ZNF609: variants seen among roughly 807,000 people sequenced by gnomAD.
ZNF609 encodes zinc finger protein 609.
In ZNF609, 11 loss-of-function variants were observed where a neutral mutation model predicts 109.5. The ratio of observed to expected loss-of-function variants is 0.10; its 90% confidence interval spans 0.06 to 0.17. The LOEUF (loss-of-function observed/expected upper bound fraction) is 0.17, where lower values mean the gene tolerates loss of function less well. Ranked by LOEUF, ZNF609 falls within the 10% of genes least tolerant of loss-of-function variation. The pLI, the probability that ZNF609 is intolerant of heterozygous loss-of-function variation, is 1.00. For synonymous variants in ZNF609, 646 were observed against 662.0 expected, an observed-to-expected ratio of 0.98 and a Z score of 0.37; for missense variants, 1,559 against 1,772.4, an observed-to-expected ratio of 0.88 and a Z score of 2.16.
At position 64,677,320 on chromosome 15, in the gene ZNF609, C is replaced by T. The variant is rs1461799748; in HGVS notation, c.3403-796C>T. Among the ~76,000 whole-genome samples the T allele has an allele frequency of 5.9e-5, 9 of 152,326 alleles. No individual in the cohort carries two copies. In the East Asian group the frequency reaches 1.7e-3, roughly 29 times the overall value. ...TCAAGCAATCCTCGCGCCTCAGCCTCCCAAAGCACAGGGATTCATATTAAT... is the reference window on the plus strand; with the variant it reads ...TCAAGCAATCCTCGCGCCTCAGCCTTCCAAAGCACAGGGATTCATATTAAT... On this transcript the variant is annotated intron_variant, in intron 5 of 9. Coordinates refer to ENST00000326648, the MANE Select transcript of ZNF609 (RefSeq NM_015042.2).
intron 2 of ZNF609, among the ~76,000 whole-genome samples, chr15:64,607,622 A>C (rs1034231588): frequency 1.3e-5 from 2 of 149,084 alleles, no homozygotes; most frequent in Non-Finnish European, 3.0e-5. Context: ...CTGTTGCTTC[A>C]GCCTCCCGAG....
chr15:64,622,513 C>CT (rs1463253440), intron 2 of ZNF609, among the ~76,000 whole-genome samples: 1 of 152,098 alleles, frequency 6.6e-6, no homozygotes, highest in African/African-American at 2.4e-5. Flanking sequence ...TCATTAGAGA[C>CT]TTTTTAATGA....
At chr15:64,677,249 A>C (rs192012596) in intron 5 of ZNF609, among the ~76,000 whole-genome samples, 3 of 151,978 alleles carry the variant, frequency 2.0e-5, no homozygotes, top group African/African-American at 7.2e-5. Context: ...TTTTTTGTAG[A>C]GAGGGGTCTC....
chr15:64,511,889 A>G (rs761995270), intron 2 of ZNF609, among the ~76,000 whole-genome samples: 6 of 151,314 alleles, frequency 4.0e-5, no homozygotes, highest in Non-Finnish European at 7.4e-5. Context: ...TAATTTTTGT[A>G]TTTTTAGTAG....
At chr15:64,650,479 T>G (rs2140997023) in intron 3 of ZNF609, among the ~76,000 whole-genome samples, 1 of 150,512 alleles carries the variant, frequency 6.6e-6, no homozygotes, top group Admixed American at 6.6e-5. Flanking sequence ...CTAAATCAAA[T>G]AAGTTCAGTC....
chr15:64,600,233 G>A (rs192503493), intron 2 of ZNF609, among the ~76,000 whole-genome samples: 5 of 151,794 alleles, frequency 3.3e-5, no homozygotes, highest in African/African-American at 1.2e-4. Flanking sequence ...GGCGGATCAC[G>A]AGGTCAGGAG....
chr15:64,582,340 C>G (rs368403326), intron 2 of ZNF609, among the ~76,000 whole-genome samples: 1 of 152,136 alleles, frequency 6.6e-6, no homozygotes, highest in Non-Finnish European at 1.5e-5. Flanking sequence ...ATTAGAGCTA[C>G]ATCTCCTCTG....
intron 3 of ZNF609, among the ~76,000 whole-genome samples, chr15:64,666,761 C>T (rs1005937868): frequency 2.6e-5 from 4 of 152,136 alleles, no homozygotes; most frequent in Admixed American, 1.3e-4. Context: ...AGTGATCACT[C>T]GCCTTGGCAT....
intron 1 of ZNF609, among the ~76,000 whole-genome samples, chr15:64,488,919 AAAG>A (rs200070442): frequency 0.49 from 65,140 of 131,744 alleles, 15,485 homozygotes; most frequent in East Asian, 0.88. Context: ...CAAAAAAAAG[AAAG>A]AAAGAAAGAA....
intron 2 of ZNF609, chr15:64,529,268 G>T (rs980133854): frequency 9.8e-6 from 7 of 713,508 alleles, no homozygotes; most frequent in African/African-American, 5.2e-5. Context: ...CATGGTTCAC[G>T]CCCATCACAA....
intron 2 of ZNF609, among the ~76,000 whole-genome samples, chr15:64,597,909 C>T (rs781582094): frequency 6.6e-6 from 1 of 152,138 alleles, no homozygotes; most frequent in Admixed American, 6.6e-5. Flanking sequence ...CCTTACCTAC[C>T]CTACCCTTAT....
intron 3 of ZNF609, among the ~76,000 whole-genome samples, chr15:64,627,663 CTTTTT>C (rs35293725): frequency 5.3e-4 from 46 of 86,010 alleles, no homozygotes; most frequent in South Asian, 3.5e-3. Context: ...TTTTTTCTTT[CTTTTT>C]TTTTTTTTTT....
At chr15:64,535,074 A>G (rs1354546939) in intron 2 of ZNF609, among the ~76,000 whole-genome samples, 1 of 151,976 alleles carries the variant, frequency 6.6e-6, no homozygotes, top group Non-Finnish European at 1.5e-5. Context: ...ATAAATATGT[A>G]AAGTGAAACA....
At chr15:64,656,084 G>T (rs965987771) in intron 3 of ZNF609, among the ~76,000 whole-genome samples, 7 of 151,686 alleles carry the variant, frequency 4.6e-5, no homozygotes, top group Non-Finnish European at 8.8e-5. Context: ...CCTTTTTTGA[G>T]ACTGAGTCTC....
chr15:64,607,310 A>G (rs559240001), intron 2 of ZNF609, among the ~76,000 whole-genome samples: 14 of 152,220 alleles, frequency 9.2e-5, no homozygotes, highest in African/African-American at 3.4e-4. Context: ...CTGTAAAACA[A>G]CACACACATA....
chr15:64,573,052 A>T (rs568459407), intron 2 of ZNF609, among the ~76,000 whole-genome samples: 5 of 152,346 alleles, frequency 3.3e-5, no homozygotes, highest in African/African-American at 1.2e-4. Flanking sequence ...AGCAACCATT[A>T]CATGGCAGTC....
At position 64,500,125 on chromosome 15, in the gene ZNF609, G is replaced by C. The variant is rs1377545290; in HGVS notation, c.706G>C (p.Glu236Gln). Reference sequence around the variant, plus strand: ...AACTAAACCGGAGCCAGAGGAAGGGGAGAATGAGTGTCGCCTGCTAAAGAA... The same window carrying C: ...AACTAAACCGGAGCCAGAGGAAGGGCAGAATGAGTGTCGCCTGCTAAAGAA... ...LGTKPEPEEG[E>Q]NECRLLKKVK... Residue 236 changes from glutamate to glutamine, a missense_variant, in exon 2 of 10, where the codon GAG becomes CAG. By Grantham distance (29) the Glu-to-Gln change is conservative. Coordinates refer to ENST00000326648, the MANE Select transcript of ZNF609 (RefSeq NM_015042.2). The C allele has an allele frequency of 1.9e-6, 3 of 1,613,846 alleles. No individual in the cohort carries two copies. The highest frequency in any genetic ancestry group is 3.3e-5 in the Admixed American group (2 of 59,990).
intron 7 of ZNF609, 104 bp downstream of exon 7, chr15:64,680,464 T>C (rs1896867634): frequency 6.9e-7 from 1 of 1,447,906 alleles, no homozygotes; most frequent in African/African-American, 1.4e-5. Context: ...ACAGTGCAGC[T>C]TGGCTGACTT....
intron 3 of ZNF609, among the ~76,000 whole-genome samples, chr15:64,647,404 A>G (rs781378347): frequency 9.2e-5 from 14 of 152,182 alleles, no homozygotes; most frequent in Non-Finnish European, 1.9e-4. Context: ...AAAAGTAACA[A>G]TTTTTATTGT....
Sources: allele counts gnomAD v4.1 joint callset (sites outside exome capture counted in the v4.1 genomes callset), GRCh38; gene constraint gnomAD v4.1.1; transcripts MANE v1.5; gene names NCBI Gene and HGNC (gene_info 2026-07-23, HGNC 2026-07-21).